LSAMP: variants seen among roughly 807,000 people sequenced by gnomAD.
LSAMP encodes limbic system associated membrane protein.
LSAMP carries 7 observed loss-of-function variants against 38.6 expected under a neutral mutation model. The ratio of observed to expected loss-of-function variants is 0.18; its 90% CI spans 0.10 to 0.34. LSAMP has a LOEUF of 0.34. Among genes scored for constraint, LSAMP ranks in the 10% least tolerant of loss-of-function variants. LSAMP has a pLI of 1.00. For missense variants in LSAMP, 313 were observed against 420.0 expected, an observed-to-expected ratio of 0.75 and a Z score of 2.23; for synonymous variants, 154 against 166.8, an observed-to-expected ratio of 0.92 and a Z score of 0.59.
chr3:116,418,100 G>A (rs987808950), intron 1 of LSAMP, among the ~76,000 whole-genome samples: 1 of 152,096 alleles, frequency 6.6e-6, no homozygotes, highest in African/African-American at 2.4e-5. Context: ...CCTCTCACTG[G>A]TATCTGGATT....
At chr3:116,431,842 T>C (rs2049285648) in intron 1 of LSAMP, among the ~76,000 whole-genome samples, 1 of 152,074 alleles carries the variant, frequency 6.6e-6, no homozygotes, top group Admixed American at 6.5e-5. Flanking sequence ...AGAAATTTAG[T>C]ATGGACTTGG....
In LSAMP at chr3:115,820,964, G is replaced by A. The variant is rs892405733; in HGVS notation, c.920-10550C>T. Among the ~76,000 whole-genome samples, 5 of 152,270 alleles carry A rather than the reference G, an allele frequency of 3.3e-5. No individual in the cohort carries two copies. The South Asian group carries it at 1.0e-3, about 32-fold the overall frequency. On this transcript the variant is annotated intron_variant, in intron 6 of 6. Transcript: ENST00000490035. ...TGGCAGGTAGAACATTTTCTGGAGG[G>A]CTGAGCTTTATTTTAAAACACCTTC... is the stretch of plus-strand genomic sequence containing the variant.
At chr3:116,058,478 TAAAAAGTTTTTTAA>T (rs1941531991) in intron 2 of LSAMP, among the ~76,000 whole-genome samples, 2 of 150,384 alleles carry the variant, frequency 1.3e-5, no homozygotes, top group Non-Finnish European at 3.0e-5. Flanking sequence ...AAAAAAAAAT[TAAAAAGTTTTTTAA>T]AAATGGGGCT....
At chr3:116,027,198 C>T (rs1377401924) in intron 2 of LSAMP, among the ~76,000 whole-genome samples, 1 of 152,094 alleles carries the variant, frequency 6.6e-6, no homozygotes, top group Non-Finnish European at 1.5e-5. Flanking sequence ...GAAATTCAGC[C>T]TAAATCAGCT....
At chr3:116,147,732 A>C (rs1709521763) in intron 1 of LSAMP, among the ~76,000 whole-genome samples, 1 of 151,858 alleles carries the variant, frequency 6.6e-6, no homozygotes, top group Non-Finnish European at 1.5e-5. Flanking sequence ...AGTGTCATTG[A>C]TTTTATCAGC....
At chr3:116,254,592 A>C (rs2046727200) in intron 1 of LSAMP, among the ~76,000 whole-genome samples, 1 of 152,112 alleles carries the variant, frequency 6.6e-6, no homozygotes. Flanking sequence ...TGTTTCAGTA[A>C]GGTTATAGCA....
chr3:116,150,078 G>C (rs1197810888), intron 1 of LSAMP, among the ~76,000 whole-genome samples: 1 of 152,064 alleles, frequency 6.6e-6, no homozygotes, highest in Non-Finnish European at 1.5e-5. Flanking sequence ...TGATTCAAAA[G>C]TATGTGGACT....
intron 1 of LSAMP, among the ~76,000 whole-genome samples, chr3:116,325,999 C>T (rs185730090): frequency 1.4e-3 from 208 of 152,236 alleles, no homozygotes; most frequent in South Asian, 6.6e-3. Flanking sequence ...AATTGATGAT[C>T]AAAAGCTGAA....
rs1292093755 is a variant in LSAMP, at chr3:116,172,260, C to T, written c.156-85704G>A. On this transcript the variant is annotated intron_variant, in intron 1 of 6. Transcript: ENST00000490035. ...TTATATGTAGTTTATATGTTCACAA[C>T]CGTCTATAATCTGACAGCAAAAAGG... Among the ~76,000 whole-genome samples, 3 of 151,852 alleles carry T rather than the reference C, an allele frequency of 2.0e-5. No individual in the cohort carries two copies. In the East Asian group the frequency reaches 5.8e-4, roughly 29 times the overall value.
intron 3 of LSAMP, among the ~76,000 whole-genome samples, chr3:115,962,946 G>C (rs556409720): frequency 3.5e-4 from 53 of 152,290 alleles, no homozygotes; most frequent in African/African-American, 1.2e-3. Flanking sequence ...ACTATGTTCT[G>C]AGCTACTGAG....
chr3:116,135,319 GT>G (rs1559755957), intron 1 of LSAMP, among the ~76,000 whole-genome samples: 1 of 152,146 alleles, frequency 6.6e-6, no homozygotes, highest in African/African-American at 2.4e-5. Flanking sequence ...CATTCACTGA[GT>G]GCTTACTATG....
chr3:115,960,873 G>A (rs1308349313), intron 3 of LSAMP, among the ~76,000 whole-genome samples: 1 of 152,168 alleles, frequency 6.6e-6, no homozygotes, highest in Non-Finnish European at 1.5e-5. Flanking sequence ...ATCCAGCACA[G>A]TCAAAATGAA....
intron 1 of LSAMP, among the ~76,000 whole-genome samples, chr3:116,225,518 C>T (rs919793208): frequency 6.6e-6 from 1 of 152,144 alleles, no homozygotes; most frequent in Admixed American, 6.5e-5. Context: ...ACTAATACAA[C>T]CCTTCTAGTA....
At chr3:116,322,676 G>A (rs2047721702) in intron 1 of LSAMP, among the ~76,000 whole-genome samples, 1 of 152,158 alleles carries the variant, frequency 6.6e-6, no homozygotes, top group Non-Finnish European at 1.5e-5. Flanking sequence ...AAGACTTGCT[G>A]TAGGTAAACA....
At chr3:116,025,943 T>A (rs1280605865) in intron 2 of LSAMP, among the ~76,000 whole-genome samples, 1 of 152,182 alleles carries the variant, frequency 6.6e-6, no homozygotes, top group African/African-American at 2.4e-5. Context: ...CATTAAAAAA[T>A]ACACATTTCT....
chr3:115,837,663 G>GA (rs111815323), intron 6 of LSAMP, among the ~76,000 whole-genome samples: 10 of 150,498 alleles, frequency 6.6e-5, no homozygotes, highest in East Asian at 3.9e-4. Flanking sequence ...GAAAAAAGGA[G>GA]AAAAAAAAAT....
chr3:116,263,083 A>G (rs1407881410), intron 1 of LSAMP, among the ~76,000 whole-genome samples: 1 of 152,224 alleles, frequency 6.6e-6, no homozygotes, highest in Non-Finnish European at 1.5e-5. Flanking sequence ...CAAAGGGAAT[A>G]TAACACTATA....
intron 3 of LSAMP, among the ~76,000 whole-genome samples, chr3:115,949,046 T>C (rs897312800): frequency 1.3e-5 from 2 of 151,916 alleles, no homozygotes; most frequent in African/African-American, 2.4e-5. Context: ...GGCAGGTGAA[T>C]CACGTGAGGC....
At chr3:116,052,533 G>T (rs1364614273) in intron 2 of LSAMP, among the ~76,000 whole-genome samples, 1 of 152,110 alleles carries the variant, frequency 6.6e-6, no homozygotes, top group Non-Finnish European at 1.5e-5. Context: ...CTCCGGACTG[G>T]CTTTAATGCC....
Sources: allele counts gnomAD v4.1 joint callset (sites outside exome capture counted in the v4.1 genomes callset), GRCh38; gene constraint gnomAD v4.1.1; transcripts MANE v1.5; gene names NCBI Gene and HGNC (gene_info 2026-07-23, HGNC 2026-07-21).